The following SLC25A48 variants were observed in gnomAD, a reference collection of about 807,000 sequenced individuals.
SLC25A48 encodes solute carrier family 25 member 48.
Under a neutral mutation model 32.2 loss-of-function variants are expected in SLC25A48, and 29 were observed. That is an observed-to-expected ratio of 0.90 (90% CI 0.67 to 1.23). SLC25A48 has a LOEUF of 1.23. Among genes scored for constraint, SLC25A48 ranks in the 50% most tolerant of loss-of-function variants. The probability of loss-of-function intolerance (pLI) is 0.00; values close to 1 mark genes in which losing one functional copy is unlikely to be tolerated. For synonymous variants in SLC25A48, 164 were observed against 172.3 expected (o/e 0.95, Z 0.38); for missense variants, 399 against 422.7 (o/e 0.94, Z 0.49).
chr5:135,754,490 GTGATATTAATAAAATATCACTC>G (rs1183561896), intron 3 of SLC25A48, among the ~76,000 whole-genome samples: 1 of 151,536 alleles, frequency 6.6e-6, no homozygotes, highest in Non-Finnish European at 1.5e-5. Context: ...CTTACACACT[GTGATATTAATAAAATATCACTC>G]TGATATTAAT....
intron 1 of SLC25A48, among the ~76,000 whole-genome samples, chr5:135,588,228 C>T (rs1418276252): frequency 6.6e-6 from 1 of 152,118 alleles, no homozygotes; most frequent in African/African-American, 2.4e-5. Flanking sequence ...CATTTGGGGG[C>T]AGTTCTTTAA....
rs371177756 is a variant in SLC25A48 at position 135,678,658 on chromosome 5, A to G, written c.-521+43702A>G. ...TCTGGTGTCACAGTCACTTTTTCCA[A>G]TTTTTCAAATTTGCTTTTGAGGGAC... On this transcript the variant is annotated intron_variant, in intron 3 of 10. Coordinates refer to the SLC25A48 transcript ENST00000646290. Among the ~76,000 whole-genome samples, 37 of 151,922 alleles carry G rather than the reference A, an allele frequency of 2.4e-4. No homozygotes were observed. The East Asian group carries it at 6.0e-3, about 25-fold the overall frequency.
At chr5:135,654,115 G>A (rs553453354) in intron 3 of SLC25A48, among the ~76,000 whole-genome samples, 6 of 152,304 alleles carry the variant, frequency 3.9e-5, no homozygotes, top group South Asian at 2.1e-4. Context: ...ATGGGCAACC[G>A]TCTAGGGAAA....
At chr5:135,731,445 G>C (rs1404888107) in intron 3 of SLC25A48, among the ~76,000 whole-genome samples, 1 of 152,200 alleles carries the variant, frequency 6.6e-6, no homozygotes, top group East Asian at 1.9e-4. Context: ...TGTTGGGGCA[G>C]CGAAAATTTT....
intron 1 of SLC25A48, among the ~76,000 whole-genome samples, chr5:135,626,931 A>G (rs1752453041): frequency 6.6e-6 from 1 of 152,072 alleles, no homozygotes; most frequent in Admixed American, 6.5e-5. Flanking sequence ...CCAGCCACCC[A>G]CCTTGGCCTG....
intron 3 of SLC25A48, among the ~76,000 whole-genome samples, chr5:135,789,471 T>C (rs76539996): frequency 0.023 from 3,412 of 151,342 alleles, 56 homozygotes; most frequent in Non-Finnish European, 0.031. Flanking sequence ...GAAGGTGGTA[T>C]TACTTCCCAG....
At chr5:135,604,457 G>T (rs187604176) in intron 1 of SLC25A48, among the ~76,000 whole-genome samples, 6 of 152,336 alleles carry the variant, frequency 3.9e-5, no homozygotes, top group Admixed American at 2.0e-4. Context: ...GAACCGGCCA[G>T]TCCTGGGGCA....
chr5:135,642,045 G>A (rs1752851336), intron 3 of SLC25A48, among the ~76,000 whole-genome samples: 1 of 152,212 alleles, frequency 6.6e-6, no homozygotes, highest in African/African-American at 2.4e-5. Flanking sequence ...ATGAGCAGTG[G>A]TAGTATAATT....
At position 135,759,317 on chromosome 5, in the gene SLC25A48, A is replaced by T. The variant is rs535984700; in HGVS notation, c.-520-53206A>T. ...GACCATACCACTTCGAGTTATAAAC[A>T]TCTCTTCCTTTTTGGTAGCTGTGTA... On this transcript the variant is annotated intron_variant, in intron 3 of 10. Transcript: ENST00000646290. Among the ~76,000 whole-genome samples, 8 of 152,308 alleles carry T rather than the reference A, an allele frequency of 5.3e-5. No individual in the cohort carries two copies. In the South Asian group the frequency reaches 1.7e-3, roughly 32 times the overall value.
chr5:135,588,341 A>G (rs1295516530), intron 1 of SLC25A48, among the ~76,000 whole-genome samples: 1 of 152,270 alleles, frequency 6.6e-6, no homozygotes, highest in East Asian at 1.9e-4. Context: ...GATGAAAAAC[A>G]TGATTATCCA....
Position 135,767,085 on chromosome 5 carries a change from TG to T in SLC25A48, c.-520-45437del, listed in dbSNP as rs1346928225. ...TAATATCCAAGGGGAAAGAGAGTGA[TG>T]TTACTCCTAATAGCGCTGGGGGTGT... On this transcript the variant is annotated intron_variant, in intron 3 of 10. Transcript: ENST00000646290. Among the ~76,000 whole-genome samples, 4 of 151,190 alleles carry T rather than the reference TG, an allele frequency of 2.6e-5. No homozygotes were observed. In the South Asian group the frequency reaches 8.4e-4, roughly 32 times the overall value.
intron 3 of SLC25A48, among the ~76,000 whole-genome samples, chr5:135,787,521 T>C (rs1341647469): frequency 6.6e-6 from 1 of 152,094 alleles, no homozygotes; most frequent in African/African-American, 2.4e-5. Flanking sequence ...TGTTATATTA[T>C]TTGTTATATT....
intron 3 of SLC25A48, among the ~76,000 whole-genome samples, chr5:135,665,739 T>C (rs1753507233): frequency 6.8e-6 from 1 of 147,972 alleles, no homozygotes; most frequent in African/African-American, 2.5e-5. Context: ...TACTAAATTT[T>C]CTTAAACACT....
At chr5:135,747,166 A>G (rs1755661173) in intron 3 of SLC25A48, among the ~76,000 whole-genome samples, 1 of 151,922 alleles carries the variant, frequency 6.6e-6, no homozygotes, top group Non-Finnish European at 1.5e-5. Flanking sequence ...GCACTGAAAG[A>G]CCATGTGACC....
intron 3 of SLC25A48, among the ~76,000 whole-genome samples, chr5:135,670,160 T>G (rs1753621572): frequency 6.6e-6 from 1 of 152,178 alleles, no homozygotes; most frequent in African/African-American, 2.4e-5. Flanking sequence ...GAGTCTTAGC[T>G]TTGCCACTTA....
intron 3 of SLC25A48, among the ~76,000 whole-genome samples, chr5:135,757,326 T>C (rs1015047999): frequency 6.7e-6 from 1 of 149,664 alleles, no homozygotes; most frequent in Non-Finnish European, 1.5e-5. Flanking sequence ...ATCATCTTTA[T>C]GGTATTTATA....
rs1289078962 is a variant in SLC25A48, at chr5:135,886,636, T to TAAAA, written c.*8-1395_*8-1392dup. Among the ~76,000 whole-genome samples, 21 of 30,100 alleles carry TAAAA rather than the reference T, an allele frequency of 7.0e-4. 1 individual carries two copies. The highest frequency in any genetic ancestry group is 1.2e-3 in the African/African-American group (7 of 5,650). 19.7% of individuals were successfully genotyped at this position (30,100 alleles called of 152,430 possible). A position where few individuals can be genotyped will look rare whatever the true frequency, so the allele number is the denominator to read the frequency against. On this transcript the variant is annotated intron_variant, in intron 7 of 7. Coordinates refer to ENST00000681962, the MANE Select transcript of SLC25A48 (RefSeq NM_001349336.2). ...ATATATATATATATATATATATATA[T>TAAAA]AAAATATATATATGTGTGTGTGTGT...
chr5:135,614,014 C>T (rs1471993718), intron 1 of SLC25A48, among the ~76,000 whole-genome samples: 1 of 152,048 alleles, frequency 6.6e-6, no homozygotes, highest in Admixed American at 6.6e-5. Context: ...TGCATTGAAT[C>T]TGTAGATTGC....
chr5:135,617,775 T>G (rs1036629072), intron 1 of SLC25A48, among the ~76,000 whole-genome samples: 6 of 152,130 alleles, frequency 3.9e-5, no homozygotes, highest in Admixed American at 6.5e-5. Flanking sequence ...AAAGTTCCTC[T>G]TGTCACTGAT....
Sources: allele counts gnomAD v4.1 joint callset (sites outside exome capture counted in the v4.1 genomes callset), GRCh38; gene constraint gnomAD v4.1.1; transcripts MANE v1.5; gene names NCBI Gene and HGNC (gene_info 2026-07-23, HGNC 2026-07-21).